The following RPS11 variants were observed in gnomAD, a reference collection of about 807,000 sequenced individuals.
RPS11 encodes the protein small ribosomal subunit protein uS17.
For synonymous variants in RPS11, 107 were observed against 78.0 expected, an observed-to-expected ratio of 1.37 and a Z score of -1.96; for missense variants, 127 against 211.4, an observed-to-expected ratio of 0.60 and a Z score of 2.48.
intron 4 of RPS11, 191 bp downstream of exon 4, chr19:49,498,237 C>G (rs1298352727): frequency 6.4e-6 from 4 of 626,936 alleles, no homozygotes; most frequent in Non-Finnish European, 1.1e-5. Flanking sequence ...ATATCTCTAC[C>G]TGAAATGCTT....
At chr19:49,497,844 T>C (rs1296754287) in intron 3 of RPS11, 73 bp from the exon 4 acceptor site, 1 of 1,594,968 alleles carries the variant, frequency 6.3e-7, no homozygotes, top group Non-Finnish European at 8.6e-7. Flanking sequence ...TGCTTCTGAG[T>C]CCCAGCATGC....
intron 4 of RPS11, 64 bp from the exon 5 acceptor site, chr19:49,499,448 G>GAGGGC (rs2079923685): frequency 6.4e-7 from 1 of 1,564,602 alleles, no homozygotes; most frequent in East Asian, 2.3e-5. Flanking sequence ...GAAGGGGAGG[G>GAGGGC]AGGGCCTCCT....
At chr19:49,498,916 T>C (rs1256190527) in intron 4 of RPS11, among the ~76,000 whole-genome samples, 2 of 152,134 alleles carry the variant, frequency 1.3e-5, no homozygotes, top group African/African-American at 4.8e-5. Flanking sequence ...TCAGCATGTT[T>C]TAGTTAGAGC....
At chr19:49,497,409 T>A (rs1262402097) in intron 2 of RPS11, 84 bp downstream of exon 2, 3 of 1,602,076 alleles carry the variant, frequency 1.9e-6, no homozygotes, top group Non-Finnish European at 2.6e-6. Flanking sequence ...TGCATCTAAG[T>A]GGCTTCTGGG....
chr19:49,497,514 T>A lies in RPS11; in HGVS notation c.148-6T>A. On this transcript the variant is annotated splice_polypyrimidine_tract_variant and splice_region_variant and intron_variant, in intron 2 of 4. Coordinates refer to ENST00000270625, the MANE Select transcript of RPS11 (RefSeq NM_001015.5). ...GCTCACTCCTTTATCTTTCCTATCCTTTCAGGCTATTGAGGGCACCTACAT... is the reference window on the plus strand; with the variant it reads ...GCTCACTCCTTTATCTTTCCTATCCATTCAGGCTATTGAGGGCACCTACAT... The A allele has an allele frequency of 4.3e-6, 7 of 1,613,594 alleles. No individual in the cohort carries two copies. Among genetic ancestry groups the A allele is most frequent in the Non-Finnish European group, 5.9e-6 (7 of 1,179,632 alleles).
chr19:49,497,105 GTCTGGGAGGT>G (rs1358813995), intron 1 of RPS11, 79 bp from the exon 2 acceptor site: 1 of 1,491,794 alleles, frequency 6.7e-7, no homozygotes, highest in African/African-American at 1.4e-5. Flanking sequence ...AGAGCATGGG[GTCTGGGAGGT>G]TCTGGGAAGG....
At position 49,497,051 on chromosome 19, in the gene RPS11, C is replaced by T. The variant is rs9941460; in HGVS notation, c.16-143C>T. 9.3e-4 allele frequency: 789 copies of T among 851,696 alleles called. 3 individuals carry two copies. In the African/African-American group the frequency reaches 0.01, roughly 11 times the overall value. The allele number at this position is 851,696 out of a possible 1,614,324, so 52.8% of individuals were successfully genotyped here. On this transcript the variant is annotated intron_variant, in intron 1 of 4. Coordinates refer to ENST00000270625, the MANE Select transcript of RPS11 (RefSeq NM_001015.5). ...GGTGGTCATGTCTTAGAGGGTGATTCTGGGGCACCAGGCCTTGGACGCCGG... is the reference window on the plus strand; with the variant it reads ...GGTGGTCATGTCTTAGAGGGTGATTTTGGGGCACCAGGCCTTGGACGCCGG...
chr19:49,498,459 T>C (rs191114822), intron 4 of RPS11, among the ~76,000 whole-genome samples: 89 of 152,244 alleles, frequency 5.8e-4, no homozygotes, highest in African/African-American at 2.0e-3. Context: ...ATTGAAGAAG[T>C]TTCAGATTCT....
intron 2 of RPS11, 48 bp downstream of exon 2, chr19:49,497,373 G>C (rs746974819): frequency 6.2e-7 from 1 of 1,612,142 alleles, no homozygotes; most frequent in Admixed American, 1.7e-5. Flanking sequence ...GTTCCTGCAC[G>C]TGTGCCCACG....
Position 49,497,565 on chromosome 19 carries a change from A to G in RPS11, c.193A>G (p.Asn65Asp). 1 of 1,613,964 alleles carries G rather than the reference A, an allele frequency of 6.2e-7. No homozygotes were observed. The highest frequency in any genetic ancestry group is 8.5e-7 in the Non-Finnish European group (1 of 1,179,936). ...YIDKKCPFTG[N>D]VSIRGRILSG... ...TGACAAGAAATGCCCCTTCACTGGT[A>G]ATGTGTCCATTCGAGGGCGGATCCT... Residue 65 changes from asparagine to aspartate, a missense_variant, in exon 3 of 5, where the codon AAT (asparagine) becomes GAT (aspartate). Transcript: ENST00000270625.
chr19:49,497,868 T>C (rs1276284717), intron 3 of RPS11, 49 bp from the exon 4 acceptor site: 1 of 1,613,520 alleles, frequency 6.2e-7, no homozygotes, highest in African/African-American at 1.3e-5. Context: ...GGGTTACCTA[T>C]GGCCCTCTTT....
chr19:49,498,372 G>A (rs1405681923), intron 4 of RPS11: 15 of 340,348 alleles, frequency 4.4e-5, no homozygotes, highest in Admixed American at 1.6e-4. Context: ...GTAGTCTTAC[G>A]CAGTGCGTTT....
chr19:49,497,856 C>G, intron 3 of RPS11, 61 bp from the exon 4 acceptor site: 1 of 1,611,074 alleles, frequency 6.2e-7, no homozygotes, highest in Non-Finnish European at 8.5e-7. Flanking sequence ...CCAGCATGCC[C>G]TGGGTTACCT....
At position 49,498,620 on chromosome 19, in the gene RPS11, T is replaced by A. The variant is rs2009984; in HGVS notation, c.353+574T>A. Among the ~76,000 whole-genome samples, 1,126 of 152,242 alleles carry A rather than the reference T, an allele frequency of 7.4e-3. 10 individuals are homozygous for A. Among genetic ancestry groups the A allele is most frequent in the Middle Eastern group, 0.021 (6 of 292 alleles). Reference sequence around the variant, plus strand: ...TACAAGTTTGCCAGGTGTGGTAGCATGTGCCTGTAGTCTCAGGTCTTCAGG... The same window carrying A: ...TACAAGTTTGCCAGGTGTGGTAGCAAGTGCCTGTAGTCTCAGGTCTTCAGG... On this transcript the variant is annotated intron_variant, in intron 4 of 4. Coordinates refer to ENST00000270625, the MANE Select transcript of RPS11 (RefSeq NM_001015.5).
chr19:49,498,905 C>T (rs1171647312), intron 4 of RPS11, among the ~76,000 whole-genome samples: 1 of 152,182 alleles, frequency 6.6e-6, no homozygotes, highest in South Asian at 2.1e-4. Flanking sequence ...TGTTCATTCC[C>T]TCAGCATGTT....
intron 1 of RPS11, among the ~76,000 whole-genome samples, chr19:49,496,712 C>G (rs1039026459): frequency 6.6e-6 from 1 of 152,082 alleles, no homozygotes; most frequent in Non-Finnish European, 1.5e-5. Context: ...TTCTTAAAAA[C>G]CAAGTTTAAG....
intron 4 of RPS11, among the ~76,000 whole-genome samples, chr19:49,498,717 T>A (rs2079919888): frequency 6.6e-6 from 1 of 152,192 alleles, no homozygotes; most frequent in African/African-American, 2.4e-5. Flanking sequence ...AGCACTGCTC[T>A]CCGGCCTGGG....
chr19:49,497,839 C>G (rs1366060599), intron 3 of RPS11, 78 bp from the exon 4 acceptor site: 12 of 1,595,146 alleles, frequency 7.5e-6, no homozygotes, highest in Non-Finnish European at 1.0e-5. Context: ...TCAGCTGCTT[C>G]TGAGTCCCAG....
chr19:49,498,780 G>A (rs966478392), intron 4 of RPS11, among the ~76,000 whole-genome samples: 13 of 152,192 alleles, frequency 8.5e-5, no homozygotes, highest in Admixed American at 8.5e-4. Flanking sequence ...AGATTTTGCA[G>A]CGTTTCAGAA....
Sources: gnomAD v4.1 joint callset for allele counts (sites outside exome capture counted in the v4.1 genomes callset) on GRCh38, gnomAD v4.1.1 for gene constraint, MANE v1.5 for transcripts, NCBI Gene and HGNC (gene_info 2026-07-23, HGNC 2026-07-21) for gene names.